Variants in EBF1 observed in about 807,000 individuals in gnomAD.
EBF1 encodes EBF transcription factor 1.
A neutral mutation model predicts 68.4 loss-of-function variants in EBF1; 10 were observed. The observed-to-expected ratio is 0.15, with a 90% confidence interval of 0.09 to 0.25. EBF1 has a LOEUF of 0.25. EBF1 is among the 10% of genes least tolerant of loss of function. EBF1 has a pLI of 1.00. For synonymous variants in EBF1, 298 were observed against 299.8 expected, an observed-to-expected ratio of 0.99 and a Z score of 0.06; for missense variants, 509 against 794.4, an observed-to-expected ratio of 0.64 and a Z score of 4.32.
chr5:158,799,026 G>C (rs900239015), intron 8 of EBF1, among the ~76,000 whole-genome samples: 1 of 152,114 alleles, frequency 6.6e-6, no homozygotes, highest in African/African-American at 2.4e-5. Flanking sequence ...TTAGTCTTGA[G>C]GGGAAGCTCT....
At chr5:159,010,215 G>A (rs1347017407) in intron 6 of EBF1, among the ~76,000 whole-genome samples, 1 of 152,200 alleles carries the variant, frequency 6.6e-6, no homozygotes, top group Non-Finnish European at 1.5e-5. Context: ...TCGCAGATGA[G>A]ATGGAGATGA....
chr5:159,092,976 A>G (rs552666413), intron 4 of EBF1, among the ~76,000 whole-genome samples: 24 of 152,380 alleles, frequency 1.6e-4, no homozygotes, highest in African/African-American at 5.5e-4. Context: ...ATATTAAACT[A>G]AAATCAAAGA....
intron 6 of EBF1, among the ~76,000 whole-genome samples, chr5:158,894,657 G>A (rs950553638): frequency 2.0e-5 from 3 of 152,174 alleles, no homozygotes; most frequent in Non-Finnish European, 4.4e-5. Context: ...TCACAGAGAA[G>A]AGCAGGAAGT....
intron 10 of EBF1, among the ~76,000 whole-genome samples, chr5:158,762,343 A>C (rs984650775): frequency 6.6e-6 from 1 of 152,170 alleles, no homozygotes; most frequent in East Asian, 1.9e-4. Flanking sequence ...AGGGGAATAG[A>C]TATGTTTTAC....
intron 9 of EBF1, among the ~76,000 whole-genome samples, chr5:158,793,547 T>C (rs1272831197): frequency 6.6e-6 from 1 of 152,172 alleles, no homozygotes; most frequent in East Asian, 1.9e-4. Flanking sequence ...TGTGCTCTCT[T>C]ATTAACTAGG....
chr5:158,850,173 C>T (rs771172332), intron 6 of EBF1, among the ~76,000 whole-genome samples: 2 of 152,154 alleles, frequency 1.3e-5, no homozygotes, highest in Non-Finnish European at 2.9e-5. Flanking sequence ...GAATAAAAGG[C>T]CATATAACTA....
At chr5:159,012,402 T>C (rs1764848038) in intron 6 of EBF1, among the ~76,000 whole-genome samples, 1 of 152,160 alleles carries the variant, frequency 6.6e-6, no homozygotes, top group Admixed American at 6.5e-5. Flanking sequence ...ATGGGCTGAA[T>C]TGTGTCCCAT....
intron 6 of EBF1, among the ~76,000 whole-genome samples, chr5:158,882,469 G>A (rs1044210678): frequency 2.0e-5 from 3 of 152,094 alleles, no homozygotes; most frequent in Non-Finnish European, 2.9e-5. Context: ...AACCAGCAAA[G>A]GGATAATCCA....
intron 5 of EBF1, among the ~76,000 whole-genome samples, chr5:159,074,886 A>G (rs1778457430): frequency 6.6e-6 from 1 of 152,054 alleles, no homozygotes; most frequent in Admixed American, 6.5e-5. Flanking sequence ...TTTGGGATGG[A>G]AAAACCAAAG....
intron 6 of EBF1, among the ~76,000 whole-genome samples, chr5:158,882,670 A>C (rs1352534252): frequency 6.6e-6 from 1 of 152,234 alleles, no homozygotes; most frequent in Non-Finnish European, 1.5e-5. Flanking sequence ...ATAGGAAAGT[A>C]ATGGTCAACA....
rs377532321 is a variant in EBF1 at position 158,766,366 on chromosome 5, A to G, written c.1036+11047T>C. Among the ~76,000 whole-genome samples, 35 of 152,308 alleles carry G rather than the reference A, an allele frequency of 2.3e-4. No individual in the cohort carries two copies. The South Asian group carries it at 2.5e-3, about 11-fold the overall frequency. On this transcript the variant is annotated intron_variant, in intron 10 of 15. Coordinates refer to ENST00000313708, the MANE Select transcript of EBF1 (RefSeq NM_024007.5). ...CTCTGGCTTTGATTTTTTTAAAACAACTGATGGAAAAAATGACTTGAAAAA... is the reference window on the plus strand; with the variant it reads ...CTCTGGCTTTGATTTTTTTAAAACAGCTGATGGAAAAAATGACTTGAAAAA...
chr5:158,975,841 G>A (rs1007201647), intron 6 of EBF1, among the ~76,000 whole-genome samples: 1 of 152,196 alleles, frequency 6.6e-6, no homozygotes, highest in African/African-American at 2.4e-5. Context: ...AACTTTACCT[G>A]TTGGGACCGA....
intron 8 of EBF1, among the ~76,000 whole-genome samples, chr5:158,805,292 T>C (rs1781366492): frequency 6.6e-6 from 1 of 152,116 alleles, no homozygotes. Flanking sequence ...GCAAGTCTAG[T>C]GGAAAATCTG....
At chr5:158,756,207 A>T (rs1260280310) in intron 10 of EBF1, among the ~76,000 whole-genome samples, 1 of 152,040 alleles carries the variant, frequency 6.6e-6, no homozygotes, top group East Asian at 1.9e-4. Flanking sequence ...ACCACAGATC[A>T]ACTTTCCCAG....
chr5:159,042,269 ACGTGG>A (rs1212049159), intron 6 of EBF1, among the ~76,000 whole-genome samples: 1 of 152,170 alleles, frequency 6.6e-6, no homozygotes, highest in African/African-American at 2.4e-5. Context: ...GGGAATGAGG[ACGTGG>A]CAAACCTTGA....
chr5:158,840,645 GTTTTTTTTTTTTT>G (rs534374216), intron 6 of EBF1, among the ~76,000 whole-genome samples: 3 of 64,778 alleles, frequency 4.6e-5, no homozygotes, highest in African/African-American at 1.1e-4. Context: ...AATACCTCCT[GTTTTTTTTTTTTT>G]TTTTTTTTTT....
intron 15 of EBF1, among the ~76,000 whole-genome samples, chr5:158,706,112 G>A (rs1211068481): frequency 6.6e-6 from 1 of 152,100 alleles, no homozygotes; most frequent in African/African-American, 2.4e-5. Context: ...AGATTTGCAG[G>A]AATGGGTGGC....
intron 9 of EBF1, among the ~76,000 whole-genome samples, chr5:158,782,824 C>T (rs930289768): frequency 6.6e-6 from 1 of 151,950 alleles, no homozygotes; most frequent in African/African-American, 2.4e-5. Flanking sequence ...TCCATGAGTC[C>T]AGGTGAGTCT....
At chr5:158,988,130 A>G (rs1759480650) in intron 6 of EBF1, among the ~76,000 whole-genome samples, 1 of 152,226 alleles carries the variant, frequency 6.6e-6, no homozygotes, top group Non-Finnish European at 1.5e-5. Flanking sequence ...GAGTGAATGA[A>G]TGAATACCTC....
Sources: allele counts gnomAD v4.1 joint callset (sites outside exome capture counted in the v4.1 genomes callset), GRCh38; gene constraint gnomAD v4.1.1; transcripts MANE v1.5; gene names NCBI Gene and HGNC (gene_info 2026-07-23, HGNC 2026-07-21).